AGBL2: variants seen among roughly 807,000 people sequenced by gnomAD.
AGBL2 encodes AGBL carboxypeptidase 2, also known as cytosolic carboxypeptidase 2.
Under a neutral mutation model 103.0 loss-of-function variants are expected in AGBL2, and 87 were observed. The ratio of observed to expected loss-of-function variants is 0.84; its 90% CI spans 0.71 to 1.01. The LOEUF (loss-of-function observed/expected upper bound fraction) is 1.01. Ranked by LOEUF, AGBL2 falls within the 50% of genes least tolerant of loss-of-function variation. The probability of loss-of-function intolerance (pLI) is 0.00; values close to 1 mark genes in which losing one functional copy is unlikely to be tolerated. For missense variants in AGBL2, 904 were observed against 1,023.5 expected (o/e 0.88, Z 1.59); for synonymous variants, 335 against 356.7 (o/e 0.94, Z 0.69).
At chr11:47,703,729 C>A (rs2097506675) in intron 7 of AGBL2, among the ~76,000 whole-genome samples, 1 of 151,780 alleles carries the variant, frequency 6.6e-6, no homozygotes, top group Non-Finnish European at 1.5e-5. Flanking sequence ...AGTTCGAGAC[C>A]AGACTGACCA....
At chr11:47,662,605 G>A (rs376525299) in intron 18 of AGBL2, among the ~76,000 whole-genome samples, 1 of 151,708 alleles carries the variant, frequency 6.6e-6, no homozygotes, top group East Asian at 1.9e-4. Flanking sequence ...CGATTCTCCT[G>A]CCTCAGCCTC....
At chr11:47,688,911 T>C (rs2097434387) in intron 10 of AGBL2, among the ~76,000 whole-genome samples, 1 of 152,042 alleles carries the variant, frequency 6.6e-6, no homozygotes, top group Non-Finnish European at 1.5e-5. Context: ...AATTTTTCTA[T>C]TTTTAGTAGA....
intron 8 of AGBL2, among the ~76,000 whole-genome samples, chr11:47,693,172 C>T (rs2097454720): frequency 6.6e-6 from 1 of 151,198 alleles, no homozygotes; most frequent in Non-Finnish European, 1.5e-5. Flanking sequence ...CCCTTCCTTC[C>T]TTCCTTTTTT....
chr11:47,683,413 C>CT (rs1565038342), intron 11 of AGBL2, among the ~76,000 whole-genome samples: 1 of 151,864 alleles, frequency 6.6e-6, no homozygotes, highest in Non-Finnish European at 1.5e-5. Flanking sequence ...TCCTCCTTTT[C>CT]TTTTTTTAAA....
intron 9 of AGBL2, among the ~76,000 whole-genome samples, chr11:47,691,729 A>AAAAAAAAAAAAAAAAAAAAAT: frequency 2.1e-4 from 1 of 4,856 alleles, no homozygotes; most frequent in Non-Finnish European, 3.6e-4. Context: ...AAAAAAAAAA[A>AAAAAAAAAAAAAAAAAAAAAT]ATATATATAT....
At position 47,704,558 on chromosome 11, in the gene AGBL2, T is replaced by C; in HGVS notation, c.571A>G (p.Asn191Asp). 1 of 1,613,518 alleles carries C rather than the reference T, an allele frequency of 6.2e-7. No individual in the cohort carries two copies. The highest frequency in any genetic ancestry group is 8.5e-7 in the Non-Finnish European group (1 of 1,179,748). ...GTCATATTACCAATATGATGGATGT[T>C]TTCCTTGATGACCTCACATTCAATT... ...WPIECEVIKE[N>D]IHHIEWAPPQ... The change falls in exon 7 of 19, where the codon AAC becomes GAC. Residue 191 changes from asparagine to aspartate, a missense_variant. Transcript: ENST00000525123.
chr11:47,710,554 C>T (rs2097533854), intron 3 of AGBL2, 43 bp from the exon 4 acceptor site: 2 of 1,610,116 alleles, frequency 1.2e-6, no homozygotes, highest in Non-Finnish European at 1.7e-6. Flanking sequence ...AAGGCCGACT[C>T]ATCACTTCTA....
At chr11:47,681,451 A>G (rs1040184626) in intron 12 of AGBL2, among the ~76,000 whole-genome samples, 1 of 152,184 alleles carries the variant, frequency 6.6e-6, no homozygotes, top group Non-Finnish European at 1.5e-5. Context: ...TATCTGCCTG[A>G]TTCCAGGTTT....
At chr11:47,668,803 T>G (rs2097348610) in intron 15 of AGBL2, 38 bp downstream of exon 15, 1 of 1,547,822 alleles carries the variant, frequency 6.5e-7, no homozygotes, top group Admixed American at 1.7e-5. Context: ...GACTTTTTTT[T>G]AAGGCTGCTA....
At chr11:47,669,144 T>G (rs942184729) in intron 14 of AGBL2, among the ~76,000 whole-genome samples, 1 of 152,170 alleles carries the variant, frequency 6.6e-6, no homozygotes, top group African/African-American at 2.4e-5. Flanking sequence ...CATAGATCAC[T>G]GCAGCCTTGA....
rs12286721 is a variant in AGBL2, at chr11:47,679,976, C to A, written c.2013G>T (p.Met671Ile). 889,092 of 1,587,002 alleles carry A rather than the reference C, an allele frequency of 0.56. 253,138 individuals are homozygous for A. The highest frequency in any genetic ancestry group is 0.71 in the Admixed American group (42,057 of 59,356). Reference protein sequence around the residue: ...TLLDFCDPDQMKFTQCLAELK... With the variant: ...TLLDFCDPDQIKFTQCLAELK... ...TTTCTTGAAACCCCATTTTTACCTTCATTTGGTCAGGATCACAAAAGTCCA... is the reference window on the plus strand; with the variant it reads ...TTTCTTGAAACCCCATTTTTACCTTAATTTGGTCAGGATCACAAAAGTCCA... Residue 671 changes from methionine (M) to isoleucine (I), a missense_variant, in exon 13 of 19, where the codon ATG becomes ATT. Physicochemically the swap from Met to Ile is conservative, Grantham distance 10. Coordinates refer to ENST00000525123, the MANE Select transcript of AGBL2 (RefSeq NM_024783.4).
At chr11:47,701,851 G>A (rs1043205149) in intron 7 of AGBL2, among the ~76,000 whole-genome samples, 2 of 151,804 alleles carry the variant, frequency 1.3e-5, no homozygotes, top group African/African-American at 2.4e-5. Context: ...GCACGTGCCT[G>A]TAATCCCAGC....
chr11:47,703,548 T>C (rs1172328707), intron 7 of AGBL2, among the ~76,000 whole-genome samples: 2 of 152,158 alleles, frequency 1.3e-5, no homozygotes, highest in Non-Finnish European at 2.9e-5. Flanking sequence ...CCCAGCACTT[T>C]GGGAGGCCAA....
chr11:47,672,958 G>A (rs2097361892), intron 14 of AGBL2, among the ~76,000 whole-genome samples: 1 of 152,136 alleles, frequency 6.6e-6, no homozygotes, highest in African/African-American at 2.4e-5. Context: ...TAGAGTAGAA[G>A]GTATTCTTGC....
intron 11 of AGBL2, among the ~76,000 whole-genome samples, chr11:47,684,426 G>A (rs1412390850): frequency 6.6e-6 from 1 of 151,284 alleles, no homozygotes; most frequent in African/African-American, 2.4e-5. Flanking sequence ...GTGTGGTGGC[G>A]GGTGCCTGTA....
chr11:47,667,495 T>G, intron 16 of AGBL2, 76 bp downstream of exon 16: 2 of 1,546,624 alleles, frequency 1.3e-6, no homozygotes, highest in Non-Finnish European at 1.8e-6. Context: ...TAGAGTAAAC[T>G]TTAACCCCCT....
chr11:47,690,804 G>A lies in AGBL2; in HGVS notation c.903C>T (p.His301=). 1 of 1,613,724 alleles carries A rather than the reference G, an allele frequency of 6.2e-7. No individual in the cohort carries two copies. Among genetic ancestry groups the A allele is most frequent in the Non-Finnish European group, 8.5e-7 (1 of 1,179,980 alleles). The change falls in exon 10 of 19, where the codon CAC becomes CAT. Residue 301 remains histidine (H), a synonymous_variant. Transcript: ENST00000525123. ...TLRTDLYTNK[H]TQWFYFRVQN... The stretch of plus-strand genomic sequence containing the variant: ...GAACACGAAAATAAAACCACTGAGT[G>A]TGTTTGTTAGTGTAGAGGTCAGTTC...
chr11:47,663,145 T>C, intron 17 of AGBL2, 33 bp from the exon 18 acceptor site: 2 of 1,405,176 alleles, frequency 1.4e-6, no homozygotes, highest in Non-Finnish European at 2.0e-6. Flanking sequence ...CACTAAATTT[T>C]CCACTTGAGC....
chr11:47,667,652 T>C lies in AGBL2; in HGVS notation c.2259A>G (p.Ser753=). ...CATTTCGCTGTTTCCTAGTCTGAAG[T>C]GACTTCTTTTTTTTCTTCTTAAACA... ...KKMFKKKKKK[S]LQTRKQRNEQ... The change falls in exon 16 of 19, where the codon TCA becomes TCG. Residue 753 remains serine, a synonymous_variant. Transcript: ENST00000525123. The C allele has an allele frequency of 6.2e-7, 1 of 1,613,362 alleles. No homozygotes were observed. The highest frequency in any genetic ancestry group is 8.5e-7 in the Non-Finnish European group (1 of 1,179,838).
Sources: allele counts gnomAD v4.1 joint callset (sites outside exome capture counted in the v4.1 genomes callset), GRCh38; gene constraint gnomAD v4.1.1; transcripts MANE v1.5; gene names NCBI Gene and HGNC (gene_info 2026-07-23, HGNC 2026-07-21).